SVIL: variants seen among roughly 807,000 people sequenced by gnomAD.
The protein encoded by SVIL is archvillin.
In SVIL, 101 loss-of-function variants were observed where a neutral mutation model predicts 240.4. The ratio of observed to expected loss-of-function variants is 0.42; its 90% CI spans 0.36 to 0.50. SVIL has a LOEUF of 0.50. Among genes scored for constraint, SVIL ranks in the 20% least tolerant of loss-of-function variants. The pLI is 0.01. For missense variants in SVIL, 2,512 were observed against 2,818.7 expected, an observed-to-expected ratio of 0.89 and a Z score of 2.46; for synonymous variants, 999 against 1,100.0, an observed-to-expected ratio of 0.91 and a Z score of 1.82.
intron 1 of SVIL, among the ~76,000 whole-genome samples, chr10:29,610,448 ATTTTTT>A (rs113668853): frequency 5.5e-4 from 76 of 137,184 alleles, no homozygotes; most frequent in East Asian, 8.8e-4. Flanking sequence ...TTCACTCTGC[ATTTTTT>A]TTTTTTTTTT....
chr10:29,594,176 G>A (rs1956493937), intron 1 of SVIL, among the ~76,000 whole-genome samples: 1 of 151,902 alleles, frequency 6.6e-6, no homozygotes, highest in Non-Finnish European at 1.5e-5. Context: ...ATGTATATAA[G>A]GTATACATGA....
At chr10:29,668,083 G>C (rs147042574) in intron 2 of SVIL, among the ~76,000 whole-genome samples, 1 of 152,012 alleles carries the variant, frequency 6.6e-6, no homozygotes, top group Non-Finnish European at 1.5e-5. Flanking sequence ...TTTACAGGAC[G>C]ACTATTAATA....
chr10:29,514,190 CATAA>C (rs1257087844), intron 16 of SVIL, among the ~76,000 whole-genome samples: 1 of 152,064 alleles, frequency 6.6e-6, no homozygotes, highest in South Asian at 2.1e-4. Flanking sequence ...ATATTAAATC[CATAA>C]ATATTTTTAT....
chr10:29,511,175 C>T (rs539729101), intron 17 of SVIL, among the ~76,000 whole-genome samples: 2 of 135,068 alleles, frequency 1.5e-5, no homozygotes, highest in African/African-American at 5.8e-5. Context: ...CAACTGGCCT[C>T]TCTTGCCTTC....
At chr10:29,541,182 C>A (rs561581398) in intron 6 of SVIL, among the ~76,000 whole-genome samples, 1 of 152,100 alleles carries the variant, frequency 6.6e-6, no homozygotes, top group Non-Finnish European at 1.5e-5. Context: ...CTAAATGTTA[C>A]GCTTAATTAT....
chr10:29,496,449 C>T (rs1588983802), intron 18 of SVIL: 1 of 454,280 alleles, frequency 2.2e-6, no homozygotes. Context: ...GCACAGAGGC[C>T]GTTAACTCCG....
chr10:29,734,410 A>C (rs561815366), intron 1 of SVIL, among the ~76,000 whole-genome samples: 1 of 152,328 alleles, frequency 6.6e-6, no homozygotes, highest in South Asian at 2.1e-4. Context: ...AAAATAAAAA[A>C]ATAACCTGGA....
chr10:29,702,668 C>A (rs1372185371), intron 1 of SVIL, among the ~76,000 whole-genome samples: 1 of 152,168 alleles, frequency 6.6e-6, no homozygotes, highest in African/African-American at 2.4e-5. Context: ...TACAGAGACA[C>A]TGAAAATGAA....
intron 6 of SVIL, among the ~76,000 whole-genome samples, chr10:29,546,712 C>T (rs1440213458): frequency 6.6e-6 from 1 of 152,100 alleles, no homozygotes; most frequent in Non-Finnish European, 1.5e-5. Context: ...ATATTTAGGA[C>T]ACTATTGGTG....
intron 29 of SVIL, chr10:29,475,472 C>T (rs1052725744): frequency 6.6e-6 from 1 of 152,148 alleles, no homozygotes; most frequent in African/African-American, 2.4e-5. Flanking sequence ...ATGATGAACT[C>T]GATGCTGGGT....
At chr10:29,520,809 G>C (rs1272619375) in intron 16 of SVIL, among the ~76,000 whole-genome samples, 2 of 151,974 alleles carry the variant, frequency 1.3e-5, no homozygotes, top group Non-Finnish European at 2.9e-5. Flanking sequence ...CCAGCTACTG[G>C]GGAGGCCGAG....
chr10:29,617,468 C>A (rs991603427), intron 1 of SVIL, among the ~76,000 whole-genome samples: 2 of 151,746 alleles, frequency 1.3e-5, no homozygotes, highest in Admixed American at 1.3e-4. Flanking sequence ...GTAGTCCCAG[C>A]TACTTGGGAG....
At chr10:29,612,792 G>A (rs933921146) in intron 1 of SVIL, among the ~76,000 whole-genome samples, 1 of 152,216 alleles carries the variant, frequency 6.6e-6, no homozygotes, top group African/African-American at 2.4e-5. Context: ...CGTCCAATCT[G>A]TACAGGACAA....
chr10:29,675,726 G>A (rs985120670), intron 2 of SVIL, among the ~76,000 whole-genome samples: 3 of 152,012 alleles, frequency 2.0e-5, no homozygotes, highest in Non-Finnish European at 4.4e-5. Flanking sequence ...AAACCATACC[G>A]TTTCCTCCAG....
intron 2 of SVIL, among the ~76,000 whole-genome samples, chr10:29,565,629 C>T (rs564526020): frequency 5.7e-4 from 87 of 152,196 alleles, no homozygotes; most frequent in African/African-American, 2.4e-5. Flanking sequence ...TTACACACCT[C>T]GTTAACCCCA....
At chr10:29,580,397 C>A (rs372259654) in intron 1 of SVIL, among the ~76,000 whole-genome samples, 7 of 152,120 alleles carry the variant, frequency 4.6e-5, no homozygotes, top group African/African-American at 1.7e-4. Flanking sequence ...CCTGGCCAGC[C>A]ACAACAAAAT....
chr10:29,669,695 G>C (rs980019628), intron 2 of SVIL, among the ~76,000 whole-genome samples: 1 of 152,180 alleles, frequency 6.6e-6, no homozygotes, highest in Non-Finnish European at 1.5e-5. Context: ...CTGGGCCGCT[G>C]AGTGAACGAA....
chr10:29,501,907 T>C (rs752044029), intron 17 of SVIL, among the ~76,000 whole-genome samples: 7 of 152,184 alleles, frequency 4.6e-5, no homozygotes, highest in Admixed American at 6.5e-5. Context: ...GTCAACTCTG[T>C]GGTGAATTCT....
rs1564433880 is a variant in SVIL at position 29,457,343 on chromosome 10, T to C, written c.*904A>G. 1 of 152,160 alleles carries C rather than the reference T, an allele frequency of 6.6e-6. No individual in the cohort carries two copies. The highest frequency in any genetic ancestry group is 1.9e-4 in the East Asian group (1 of 5,182). 9.4% of individuals were successfully genotyped at this position (152,160 alleles called of 1,614,324 possible). On this transcript the variant is annotated 3_prime_UTR_variant, in exon 38 of 38. Coordinates refer to ENST00000355867, the MANE Select transcript of SVIL (RefSeq NM_021738.3). ...AGAAAGGAACATGCTTGGAATTCAA[T>C]GTGAACCAGTTAATTGTTGTGTTTA...
Sources: allele counts gnomAD v4.1 joint callset (sites outside exome capture counted in the v4.1 genomes callset), GRCh38; gene constraint gnomAD v4.1.1; transcripts MANE v1.5; gene names NCBI Gene and HGNC (gene_info 2026-07-23, HGNC 2026-07-21).